CCDC102B: variants seen among roughly 807,000 people sequenced by gnomAD.
CCDC102B encodes the protein coiled-coil domain containing 102B, also known as coiled-coil domain-containing protein 102B.
CCDC102B carries 75 observed loss-of-function variants against 57.4 expected under a neutral mutation model. The observed-to-expected ratio is 1.31, with a 90% CI of 1.08 to 1.58. The LOEUF is 1.58. Among genes scored for constraint, CCDC102B ranks in the 40% most tolerant of loss-of-function variants. The pLI is 0.00. For synonymous variants in CCDC102B, 206 were observed against 201.9 expected (o/e 1.02, Z -0.17); for missense variants, 636 against 582.6 (o/e 1.09, Z -0.94).
chr18:68,727,152 G>T (rs1396780985), intron 2 of CCDC102B, among the ~76,000 whole-genome samples: 1 of 152,198 alleles, frequency 6.6e-6, no homozygotes, highest in African/African-American at 2.4e-5. Context: ...TGGAACTGCA[G>T]AGCCTGTAGT....
chr18:68,756,163 C>G (rs2034041517), intron 2 of CCDC102B, among the ~76,000 whole-genome samples: 1 of 150,664 alleles, frequency 6.6e-6, no homozygotes, highest in Non-Finnish European at 1.5e-5. Context: ...TTATTTCAGG[C>G]AAAGAAATAA....
intron 4 of CCDC102B, among the ~76,000 whole-genome samples, chr18:68,874,215 T>TAC (rs1419863938): frequency 1.1e-4 from 7 of 65,868 alleles, no homozygotes; most frequent in Non-Finnish European, 2.6e-4. Flanking sequence ...TGTGTGTGTA[T>TAC]ATATATATAC....
chr18:68,897,385 C>T lies in CCDC102B; in HGVS notation c.1220C>T (p.Pro407Leu). The T allele has an allele frequency of 1.2e-6, 2 of 1,612,206 alleles. No individual in the cohort carries two copies. Among genetic ancestry groups the T allele is most frequent in the Non-Finnish European group, 1.7e-6 (2 of 1,179,074 alleles). The change falls in exon 6 of 8, where the codon CCT (proline) becomes CTT (leucine). Residue 407 changes from proline (P) to leucine (L), a missense_variant. Coordinates refer to ENST00000360242, the MANE Select transcript of CCDC102B (RefSeq NM_024781.3). Reference protein sequence around the residue: ...KNRLSANSQSPDFKMSQIDLQ... With the variant: ...KNRLSANSQSLDFKMSQIDLQ... Reference sequence around the variant, plus strand: ...AGATTAAGTGCAAACTCTCAAAGTCCTGATTTCAAGATGTCACAAATTGAT... The same window carrying T: ...AGATTAAGTGCAAACTCTCAAAGTCTTGATTTCAAGATGTCACAAATTGAT...
At chr18:68,854,122 C>G (rs980718441) in intron 4 of CCDC102B, among the ~76,000 whole-genome samples, 16 of 150,020 alleles carry the variant, frequency 1.1e-4, no homozygotes, top group Non-Finnish European at 1.8e-4. Context: ...ATTTTTGAGA[C>G]GGAGTTCCGC....
intron 1 of CCDC102B, among the ~76,000 whole-genome samples, chr18:68,808,567 T>C (rs1433180423): frequency 2.1e-5 from 3 of 142,392 alleles, no homozygotes; most frequent in Non-Finnish European, 4.5e-5. Flanking sequence ...AAGCTCTGCC[T>C]CCTGGGTTCA....
intron 2 of CCDC102B, among the ~76,000 whole-genome samples, chr18:68,746,267 A>T (rs10871631): frequency 6.6e-6 from 1 of 151,984 alleles, no homozygotes; most frequent in Non-Finnish European, 1.5e-5. Context: ...TACTTTAACT[A>T]TTTCTGAATG....
rs35550757 is a variant in CCDC102B at position 68,952,217 on chromosome 18, A to AT, written c.1263+54799dup. Reference sequence around the variant, plus strand: ...CTGCCCCTTCACTGGCTCATGCAATATTTTTTTTTTCAAATTATATAAATT... The same window carrying AT: ...CTGCCCCTTCACTGGCTCATGCAATATTTTTTTTTTTCAAATTATATAAATT... On this transcript the variant is annotated intron_variant, in intron 6 of 7. Coordinates refer to ENST00000360242, the MANE Select transcript of CCDC102B (RefSeq NM_024781.3). Among the ~76,000 whole-genome samples the AT allele has an allele frequency of 2.4e-3, 355 of 150,522 alleles. 1 individual carries two copies. Among genetic ancestry groups the AT allele is most frequent in the Middle Eastern group, 0.01 (3 of 290 alleles).
intron 2 of CCDC102B, among the ~76,000 whole-genome samples, chr18:68,788,592 T>G (rs2035303536): frequency 6.7e-6 from 1 of 150,118 alleles, no homozygotes; most frequent in African/African-American, 2.5e-5. Context: ...AATGGCCTTC[T>G]TTGTCTCTTT....
chr18:68,939,291 G>A (rs1206691680), intron 6 of CCDC102B, among the ~76,000 whole-genome samples: 1 of 151,470 alleles, frequency 6.6e-6, no homozygotes, highest in Non-Finnish European at 1.5e-5. Flanking sequence ...CTTTATTTCT[G>A]TTCATTAGAC....
intron 2 of CCDC102B, among the ~76,000 whole-genome samples, chr18:68,726,344 T>G (rs1048563911): frequency 7.9e-5 from 12 of 152,198 alleles, no homozygotes; most frequent in Non-Finnish European, 1.8e-4. Flanking sequence ...AACTAACATA[T>G]GCCTACAGCA....
chr18:68,848,725 G>A (rs906912814), intron 4 of CCDC102B, among the ~76,000 whole-genome samples: 4 of 151,992 alleles, frequency 2.6e-5, no homozygotes, highest in Admixed American at 2.6e-4. Context: ...TGAATTCTGA[G>A]TGTGTGGAAA....
chr18:68,969,200 T>C (rs2145253793), intron 6 of CCDC102B, among the ~76,000 whole-genome samples: 1 of 152,198 alleles, frequency 6.6e-6, no homozygotes, highest in Admixed American at 6.5e-5. Context: ...CCCATCCAGG[T>C]TCCTGACTGA....
intron 5 of CCDC102B, among the ~76,000 whole-genome samples, chr18:68,875,238 G>A (rs930753675): frequency 2.6e-5 from 4 of 152,092 alleles, no homozygotes; most frequent in African/African-American, 9.7e-5. Flanking sequence ...GGTACACCAA[G>A]TAGTGAAAAC....
chr18:69,044,132 ATC>A (rs2052500650), intron 7 of CCDC102B, among the ~76,000 whole-genome samples: 1 of 152,146 alleles, frequency 6.6e-6, no homozygotes, highest in South Asian at 2.1e-4. Context: ...GTAAAAATCT[ATC>A]TCTATAATTG....
intron 4 of CCDC102B, among the ~76,000 whole-genome samples, chr18:68,847,533 A>G (rs2144822140): frequency 6.6e-6 from 1 of 152,054 alleles, no homozygotes; most frequent in South Asian, 2.1e-4. Context: ...TAGCAAATAT[A>G]CTGAAAAAGT....
chr18:69,009,996 A>C (rs1173310285), intron 6 of CCDC102B, among the ~76,000 whole-genome samples: 1 of 116,524 alleles, frequency 8.6e-6, no homozygotes, highest in East Asian at 2.8e-4. Context: ...CTGTGGCGCT[A>C]TCTCGGCTCA....
intron 6 of CCDC102B, among the ~76,000 whole-genome samples, chr18:68,916,296 A>G (rs1333810472): frequency 6.6e-6 from 1 of 152,158 alleles, no homozygotes; most frequent in Non-Finnish European, 1.5e-5. Flanking sequence ...AGCATGTGCC[A>G]AACTAAAGAA....
chr18:68,785,784 T>G (rs1225326603), intron 2 of CCDC102B, among the ~76,000 whole-genome samples: 3 of 151,488 alleles, frequency 2.0e-5, no homozygotes, highest in Non-Finnish European at 4.4e-5. Context: ...AGGTTGCCTG[T>G]TCACTCTGAT....
chr18:68,752,677 A>G (rs1177288875), intron 2 of CCDC102B, among the ~76,000 whole-genome samples: 2 of 152,198 alleles, frequency 1.3e-5, no homozygotes, highest in African/African-American at 4.8e-5. Flanking sequence ...TATAAGATTT[A>G]TTCAATGTGA....
Sources: gnomAD v4.1 joint callset for allele counts (sites outside exome capture counted in the v4.1 genomes callset) on GRCh38, gnomAD v4.1.1 for gene constraint, MANE v1.5 for transcripts, NCBI Gene and HGNC (gene_info 2026-07-23, HGNC 2026-07-21) for gene names.